Variants in CNTN1 observed in about 807,000 individuals in gnomAD.
CNTN1 encodes the protein contactin 1, also known as contactin-1.
Under a neutral mutation model 126.4 loss-of-function variants are expected in CNTN1, and 38 were observed. The ratio of observed to expected loss-of-function variants is 0.30; its 90% CI spans 0.23 to 0.39. The LOEUF (loss-of-function observed/expected upper bound fraction) is 0.39. Ranked by LOEUF, CNTN1 falls within the 10% of genes least tolerant of loss-of-function variation. The pLI, the probability that CNTN1 is intolerant of heterozygous loss-of-function variation, is 1.00. For missense variants in CNTN1, 1,009 were observed against 1,248.4 expected (o/e 0.81, Z 2.89); for synonymous variants, 413 against 422.6 (o/e 0.98, Z 0.28).
At chr12:40,725,603 C>T (rs923236946) in intron 1 of CNTN1, among the ~76,000 whole-genome samples, 4 of 151,950 alleles carry the variant, frequency 2.6e-5, no homozygotes, top group Non-Finnish European at 4.4e-5. Context: ...AGATAGTGCC[C>T]CTACCCCTAT....
At chr12:40,940,995 A>T (rs894598480) in intron 12 of CNTN1, among the ~76,000 whole-genome samples, 6 of 152,138 alleles carry the variant, frequency 3.9e-5, no homozygotes, top group African/African-American at 1.4e-4. Context: ...GTGATAATAA[A>T]ATCTTTTTCT....
At position 40,719,657 on chromosome 12, in the gene CNTN1, A is replaced by G. The variant is rs150262536; in HGVS notation, c.-77+27065A>G. On this transcript the variant is annotated intron_variant, in intron 1 of 23. Coordinates refer to ENST00000551295, the MANE Select transcript of CNTN1 (RefSeq NM_001843.4). Reference sequence around the variant, plus strand: ...TAAGATATATCATCCTTATTTGCTTAGTATATTCTTGCATGGTTCAAATGA... The same window carrying G: ...TAAGATATATCATCCTTATTTGCTTGGTATATTCTTGCATGGTTCAAATGA... 2.6e-5 allele frequency among the ~76,000 whole-genome samples: 4 copies of G among 152,346 alleles called. No individual in the cohort carries two copies. The East Asian group carries it at 7.7e-4, about 29-fold the overall frequency.
Position 40,701,497 on chromosome 12 carries a change from G to C in CNTN1, c.-77+8905G>C, listed in dbSNP as rs111546018. 8.2e-3 allele frequency among the ~76,000 whole-genome samples: 1,253 copies of C among 152,016 alleles called. 21 individuals are homozygous for C. The highest frequency in any genetic ancestry group is 9.7e-3 in the Non-Finnish European group (660 of 67,968). On this transcript the variant is annotated intron_variant, in intron 1 of 23. Transcript: ENST00000551295. ...ATTTGTTAACTGTAACAGACAAGATGAATATTATAAATAATATTTATAATA... is the reference window on the plus strand; with the variant it reads ...ATTTGTTAACTGTAACAGACAAGATCAATATTATAAATAATATTTATAATA...
intron 23 of CNTN1, among the ~76,000 whole-genome samples, chr12:41,038,983 T>C (rs1592443243): frequency 6.6e-6 from 1 of 152,240 alleles, no homozygotes; most frequent in South Asian, 2.1e-4. Flanking sequence ...ACGAAAGCCC[T>C]GAACTGGCTG....
chr12:40,802,229 A>G (rs1684800321), intron 1 of CNTN1, among the ~76,000 whole-genome samples: 1 of 151,996 alleles, frequency 6.6e-6, no homozygotes, highest in Non-Finnish European at 1.5e-5. Context: ...CAGTATATAC[A>G]TATTCTATAA....
At chr12:40,851,806 T>C (rs912680717) in intron 1 of CNTN1, among the ~76,000 whole-genome samples, 2 of 152,202 alleles carry the variant, frequency 1.3e-5, no homozygotes, top group African/African-American at 4.8e-5. Context: ...GTCTAAGGCA[T>C]GGGGAAAGGT....
chr12:41,036,378 AAAAT>A (rs1205782053), intron 23 of CNTN1, among the ~76,000 whole-genome samples: 1 of 152,180 alleles, frequency 6.6e-6, no homozygotes, highest in Non-Finnish European at 1.5e-5. Context: ...ACCTTCTAAA[AAAAT>A]AAAGAGTTTT....
At chr12:40,697,020 G>C (rs190756636) in intron 1 of CNTN1, among the ~76,000 whole-genome samples, 69 of 151,506 alleles carry the variant, frequency 4.6e-4, no homozygotes, top group African/African-American at 1.6e-3. Flanking sequence ...GTGTTTTTTG[G>C]CTGTCAATAT....
intron 15 of CNTN1, among the ~76,000 whole-genome samples, chr12:40,960,149 T>C (rs1294470998): frequency 1.3e-5 from 2 of 152,076 alleles, no homozygotes; most frequent in Non-Finnish European, 2.9e-5. Context: ...TCATAACATA[T>C]ATTGCTTTCT....
intron 1 of CNTN1, among the ~76,000 whole-genome samples, chr12:40,862,553 A>G (rs1943151237): frequency 6.6e-6 from 1 of 152,202 alleles, no homozygotes; most frequent in South Asian, 2.1e-4. Flanking sequence ...GGTCTCTGAT[A>G]CACTCAAGGA....
At chr12:40,721,570 C>T (rs1942214049) in intron 1 of CNTN1, among the ~76,000 whole-genome samples, 1 of 150,444 alleles carries the variant, frequency 6.6e-6, no homozygotes, top group South Asian at 2.1e-4. Flanking sequence ...TATTATTATA[C>T]TTTAAGTTTT....
chr12:41,043,225 G>T (rs1181846392), intron 23 of CNTN1, among the ~76,000 whole-genome samples: 1 of 152,180 alleles, frequency 6.6e-6, no homozygotes, highest in South Asian at 2.1e-4. Flanking sequence ...CCTACAAAAT[G>T]GGAGAAAATT....
intron 1 of CNTN1, among the ~76,000 whole-genome samples, chr12:40,777,799 A>G (rs997918627): frequency 6.6e-6 from 1 of 151,760 alleles, no homozygotes; most frequent in African/African-American, 2.4e-5. Context: ...TAATATACTC[A>G]ACAACTTTGA....
At chr12:40,731,513 T>A (rs1030909490) in intron 1 of CNTN1, among the ~76,000 whole-genome samples, 10 of 152,130 alleles carry the variant, frequency 6.6e-5, no homozygotes, top group Non-Finnish European at 1.3e-4. Context: ...AAAATATAAA[T>A]TTCAAAAGTT....
intron 1 of CNTN1, among the ~76,000 whole-genome samples, chr12:40,741,829 T>G (rs1254536861): frequency 1.3e-5 from 2 of 152,094 alleles, no homozygotes; most frequent in Non-Finnish European, 2.9e-5. Flanking sequence ...TGAAATAAAT[T>G]TTAATGGAAA....
chr12:40,709,122 A>G (rs1941843807), intron 1 of CNTN1, among the ~76,000 whole-genome samples: 2 of 152,244 alleles, frequency 1.3e-5, no homozygotes, highest in African/African-American at 4.8e-5. Context: ...CCTAAATAAA[A>G]AAAACTTGAA....
At chr12:40,875,779 T>A (rs1201250668) in intron 1 of CNTN1, among the ~76,000 whole-genome samples, 1 of 152,122 alleles carries the variant, frequency 6.6e-6, no homozygotes, top group Non-Finnish European at 1.5e-5. Flanking sequence ...ATATCTGGAT[T>A]GTTTTCAGGT....
intron 1 of CNTN1, among the ~76,000 whole-genome samples, chr12:40,814,345 C>T (rs778712281): frequency 5.9e-5 from 9 of 152,288 alleles, no homozygotes; most frequent in Middle Eastern, 3.4e-3. Flanking sequence ...ACATTTGAGT[C>T]TTTAAGCCAT....
intron 23 of CNTN1, among the ~76,000 whole-genome samples, chr12:41,057,650 AT>A (rs1949855338): frequency 6.6e-6 from 1 of 152,124 alleles, no homozygotes; most frequent in Admixed American, 6.6e-5. Flanking sequence ...GGAATGGAAG[AT>A]TAAGAAATAA....
Sources: gnomAD v4.1 joint callset for allele counts (sites outside exome capture counted in the v4.1 genomes callset) on GRCh38, gnomAD v4.1.1 for gene constraint, MANE v1.5 for transcripts, NCBI Gene and HGNC (gene_info 2026-07-23, HGNC 2026-07-21) for gene names.